SYTL3: variants seen among roughly 807,000 people sequenced by gnomAD.
SYTL3 encodes the protein synaptotagmin like 3, also known as synaptotagmin-like protein 3.
A neutral mutation model predicts 82.1 loss-of-function variants in SYTL3; 88 were observed. The observed-to-expected ratio is 1.07, with a 90% CI of 0.90 to 1.28. The LOEUF is 1.28. SYTL3 is among the 50% of genes most tolerant of loss of function. SYTL3 has a pLI of 0.00. For missense variants in SYTL3, 831 were observed against 757.6 expected (o/e 1.10, Z -1.14); for synonymous variants, 311 against 289.4 (o/e 1.07, Z -0.76).
At chr6:158,656,205 C>G (rs1269355707) in intron 2 of SYTL3, among the ~76,000 whole-genome samples, 4 of 152,154 alleles carry the variant, frequency 2.6e-5, no homozygotes. Context: ...CTTTCCAATC[C>G]TCACACAACT....
In SYTL3 at chr6:158,690,741, A is replaced by G. The variant is rs564010422; in HGVS notation, c.394+7752A>G. On this transcript the variant is annotated intron_variant, in intron 6 of 17. Coordinates refer to ENST00000611299, the MANE Select transcript of SYTL3 (RefSeq NM_001242394.2). ...GGCTGGCTTTTTCCCCTAAAATTTC[A>G]TAACTGGATATTTAGTTTTGTGGTC... Among the ~76,000 whole-genome samples the G allele has an allele frequency of 8.3e-4, 126 of 152,296 alleles. 1 individual carries two copies. Among genetic ancestry groups the G allele is most frequent in the African/African-American group, 2.7e-3 (114 of 41,566 alleles).
chr6:158,758,406 T>G (rs1018976704), intron 14 of SYTL3, among the ~76,000 whole-genome samples: 2 of 148,302 alleles, frequency 1.3e-5, no homozygotes, highest in Non-Finnish European at 3.0e-5. Flanking sequence ...CCACTGCACT[T>G]CAGCCTGGCA....
chr6:158,657,840 A>ATT (rs1053888467), intron 2 of SYTL3, among the ~76,000 whole-genome samples: 1 of 78,392 alleles, frequency 1.3e-5, no homozygotes, highest in African/African-American at 7.0e-5. Flanking sequence ...AATGAAACAA[A>ATT]ATAGTCTTCC....
intron 5 of SYTL3, among the ~76,000 whole-genome samples, chr6:158,671,788 C>G (rs891841518): frequency 6.6e-6 from 1 of 150,650 alleles, no homozygotes; most frequent in African/African-American, 2.4e-5. Flanking sequence ...ATTTTGAAAC[C>G]TCTATATTTT....
At chr6:158,698,186 C>T (rs1562389214) in intron 6 of SYTL3, among the ~76,000 whole-genome samples, 1 of 152,058 alleles carries the variant, frequency 6.6e-6, no homozygotes, top group Non-Finnish European at 1.5e-5. Flanking sequence ...CACTTGAGGT[C>T]AGGAATTGGA....
intron 11 of SYTL3, 21 bp downstream of exon 11, chr6:158,725,658 CTTTT>C (rs765956854): frequency 1.3e-6 from 2 of 1,599,116 alleles, no homozygotes; most frequent in Middle Eastern, 1.7e-4. Context: ...TTCCAATGCT[CTTTT>C]TTTGTTTTTT....
chr6:158,755,985 T>C (rs1302786098), intron 13 of SYTL3, among the ~76,000 whole-genome samples: 2 of 152,220 alleles, frequency 1.3e-5, no homozygotes, highest in Non-Finnish European at 1.5e-5. Flanking sequence ...TGAATTATAC[T>C]GACCTCATAG....
intron 11 of SYTL3, among the ~76,000 whole-genome samples, chr6:158,739,378 G>A (rs1223421774): frequency 6.6e-6 from 1 of 151,996 alleles, no homozygotes; most frequent in African/African-American, 2.4e-5. Flanking sequence ...TTTAAGCAAT[G>A]TTATTATGAT....
chr6:158,709,758 T>C (rs964850376), intron 8 of SYTL3, among the ~76,000 whole-genome samples: 2 of 152,166 alleles, frequency 1.3e-5, no homozygotes, highest in Admixed American at 6.5e-5. Flanking sequence ...AAAATATAAT[T>C]CTAGAAAATC....
intron 13 of SYTL3, among the ~76,000 whole-genome samples, chr6:158,755,819 G>A (rs1164301860): frequency 1.3e-5 from 2 of 152,180 alleles, no homozygotes; most frequent in Non-Finnish European, 2.9e-5. Context: ...AACAAGCGCC[G>A]GAGTGGGGGC....
intron 2 of SYTL3, among the ~76,000 whole-genome samples, chr6:158,658,960 A>G (rs894350877): frequency 6.6e-5 from 10 of 152,244 alleles, no homozygotes; most frequent in South Asian, 2.1e-4. Context: ...AATCTTATCA[A>G]TAGAAGGCTT....
At chr6:158,700,902 C>T (rs1286461885) in intron 6 of SYTL3, among the ~76,000 whole-genome samples, 1 of 152,214 alleles carries the variant, frequency 6.6e-6, no homozygotes, top group Non-Finnish European at 1.5e-5. Context: ...AGGCATGAGC[C>T]ACCGCACCTG....
chr6:158,683,510 G>A (rs565746059), intron 6 of SYTL3, among the ~76,000 whole-genome samples: 99 of 152,216 alleles, frequency 6.5e-4, no homozygotes, highest in African/African-American at 2.3e-3. Context: ...TGAGCCACTG[G>A]GCCCGGCCAG....
intron 4 of SYTL3, 82 bp downstream of exon 4, chr6:158,663,460 T>G: frequency 6.4e-7 from 1 of 1,555,844 alleles, no homozygotes; most frequent in South Asian, 1.2e-5. Flanking sequence ...CAATGCTGTT[T>G]GCTTACAAAT....
chr6:158,665,333 C>T (rs1789906666), intron 4 of SYTL3, 62 bp from the exon 5 acceptor site: 1 of 1,491,624 alleles, frequency 6.7e-7, no homozygotes, highest in African/African-American at 1.4e-5. Context: ...TGGGCTCTTG[C>T]CCTATAGCCT....
At chr6:158,755,596 G>A (rs1475364193) in intron 13 of SYTL3, among the ~76,000 whole-genome samples, 8 of 152,192 alleles carry the variant, frequency 5.3e-5, no homozygotes, top group African/African-American at 1.9e-4. Context: ...GCCCTGCTGC[G>A]CCTCCCCTCT....
chr6:158,667,447 C>T (rs1345599974), intron 5 of SYTL3, among the ~76,000 whole-genome samples: 1 of 152,162 alleles, frequency 6.6e-6, no homozygotes, highest in Admixed American at 6.5e-5. Flanking sequence ...CATTTTCTTT[C>T]CCCTCGCCTT....
At chr6:158,709,839 A>G (rs780001711) in intron 8 of SYTL3, among the ~76,000 whole-genome samples, 6 of 152,176 alleles carry the variant, frequency 3.9e-5, no homozygotes, top group Admixed American at 6.5e-5. Flanking sequence ...AAACATGACA[A>G]CAGCCTGGGC....
intron 6 of SYTL3, among the ~76,000 whole-genome samples, chr6:158,693,855 C>CTTTTCTTTTTTTTTCTT (rs71030191): frequency 1.0e-5 from 1 of 96,864 alleles, no homozygotes; most frequent in Admixed American, 1.1e-4. Context: ...TTTTTCTTTT[C>CTTTTCTTTTTTTTTCTT]TTTTTTTTTT....
Sources: allele counts gnomAD v4.1 joint callset (sites outside exome capture counted in the v4.1 genomes callset), GRCh38; gene constraint gnomAD v4.1.1; transcripts MANE v1.5; gene names NCBI Gene and HGNC (gene_info 2026-07-23, HGNC 2026-07-21).